TRPM8: variants seen among roughly 807,000 people sequenced by gnomAD.
TRPM8 encodes the protein transient receptor potential cation channel subfamily M member 8, also known as TRPM8 cationic channel.
A neutral mutation model predicts 133.7 loss-of-function variants in TRPM8; 110 were observed. The ratio of observed to expected loss-of-function variants is 0.82; its 90% CI spans 0.70 to 0.96. The LOEUF (loss-of-function observed/expected upper bound fraction) is 0.96. TRPM8 is among the 40% of genes least tolerant of loss of function. The probability of loss-of-function intolerance (pLI) is 0.00; values close to 1 mark genes in which losing one functional copy is unlikely to be tolerated. For missense variants in TRPM8, 1,291 were observed against 1,379.5 expected (o/e 0.94, Z 1.02); for synonymous variants, 535 against 532.3 (o/e 1.01, Z -0.07).
intron 15 of TRPM8, among the ~76,000 whole-genome samples, chr2:233,969,323 C>CA (rs112907432): frequency 0.088 from 11,877 of 134,958 alleles, 918 homozygotes; most frequent in African/African-American, 0.22. Context: ...ACCAAAAATA[C>CA]AAAAAAAAAA....
chr2:233,940,044 C>CT (rs1189944314), intron 5 of TRPM8, among the ~76,000 whole-genome samples: 3 of 138,808 alleles, frequency 2.2e-5, no homozygotes, highest in South Asian at 2.3e-4. Flanking sequence ...ATCGATTTAG[C>CT]TTTGTTTTTT....
intron 22 of TRPM8, among the ~76,000 whole-genome samples, chr2:234,002,825 C>CA (rs1315003506): frequency 2.6e-5 from 4 of 152,110 alleles, no homozygotes; most frequent in African/African-American, 9.7e-5. Flanking sequence ...CTACTGTTCA[C>CA]AGGTGTTGTG....
chr2:233,966,610 A>G lies in TRPM8; in HGVS notation c.1880A>G (p.Glu627Gly). 2 of 1,614,096 alleles carry G rather than the reference A, an allele frequency of 1.2e-6. No homozygotes were observed. Among genetic ancestry groups the G allele is most frequent in the Non-Finnish European group, 1.7e-6 (2 of 1,180,020 alleles). ...TCTCTCTGTGCTGATGTCGCTGTAG[A>G]GCTGTTCACTGAGTGTTACAGCAGC... is the stretch of plus-strand genomic sequence containing the variant. ...LANEYETRAV[E>G]LFTECYSSDE... The change falls in exon 15 of 26, where the codon GAG becomes GGG. Residue 627 changes from glutamate to glycine, a missense_variant and splice_region_variant. Around this residue, in one of 2 missense-constraint regions of TRPM8, gnomAD observed 963 missense variants for 968.9 expected, o/e 0.99. Transcript: ENST00000324695.
At chr2:234,011,914 C>CAAAA (rs869030520) in intron 24 of TRPM8, among the ~76,000 whole-genome samples, 13,759 of 80,908 alleles carry the variant, frequency 0.17, 1,403 homozygotes, top group Middle Eastern at 0.2. Context: ...GAGACTGTCT[C>CAAAA]AAAAAAAAAA....
intron 5 of TRPM8, among the ~76,000 whole-genome samples, chr2:233,940,152 C>T (rs1690869381): frequency 6.6e-6 from 1 of 151,034 alleles, no homozygotes; most frequent in South Asian, 2.1e-4. Flanking sequence ...GACTGTCTCT[C>T]ATTGTGGATT....
intron 24 of TRPM8, among the ~76,000 whole-genome samples, chr2:234,012,741 G>A (rs1273702755): frequency 6.6e-6 from 1 of 151,740 alleles, no homozygotes; most frequent in African/African-American, 2.4e-5. Context: ...TTAGTTGTGG[G>A]TTTTTTCATA....
intron 2 of TRPM8, among the ~76,000 whole-genome samples, chr2:233,927,747 T>C (rs1028906053): frequency 1.7e-4 from 11 of 64,426 alleles, no homozygotes; most frequent in African/African-American, 2.3e-4. Context: ...TCTTTCTTTC[T>C]TTCTTTCTTT....
Position 233,968,447 on chromosome 2 carries a change from G to A in TRPM8, c.2026-1248G>A, listed in dbSNP as rs28901872. On this transcript the variant is annotated intron_variant, in intron 15 of 25. Transcript: ENST00000324695. ...CAGCTTCAGTGTTGCCCGGCCCAGT[G>A]CAAAGCAGTCGGCCATTTACCCACC... Among the ~76,000 whole-genome samples, 641 of 152,276 alleles carry A rather than the reference G, an allele frequency of 4.2e-3. 7 individuals carry two copies. Among genetic ancestry groups the A allele is most frequent in the African/African-American group, 0.014 (582 of 41,552 alleles).
At chr2:233,936,751 C>T (rs868020616) in intron 3 of TRPM8, among the ~76,000 whole-genome samples, 1 of 152,228 alleles carries the variant, frequency 6.6e-6, no homozygotes, top group African/African-American at 2.4e-5. Flanking sequence ...GAAACTCAGT[C>T]TCATAACAGC....
At chr2:233,920,985 C>G (rs533189545) in intron 1 of TRPM8, among the ~76,000 whole-genome samples, 7 of 151,836 alleles carry the variant, frequency 4.6e-5, no homozygotes, top group African/African-American at 1.7e-4. Flanking sequence ...ACCTCCTGAG[C>G]AGCTGGGATT....
chr2:233,927,790 C>T (rs1306726784), intron 2 of TRPM8, among the ~76,000 whole-genome samples: 10 of 27,724 alleles, frequency 3.6e-4, no homozygotes, highest in South Asian at 1.6e-3. Flanking sequence ...TTCTTTCTTT[C>T]TTTTCTTTCC....
intron 11 of TRPM8, among the ~76,000 whole-genome samples, chr2:233,960,072 C>T (rs182580424): frequency 3.3e-5 from 5 of 152,022 alleles, no homozygotes; most frequent in African/African-American, 1.2e-4. Flanking sequence ...TTAAGATTAT[C>T]CGTAAGTTCC....
intron 3 of TRPM8, among the ~76,000 whole-genome samples, chr2:233,934,596 C>G (rs951791846): frequency 2.0e-5 from 3 of 152,208 alleles, no homozygotes; most frequent in Admixed American, 2.0e-4. Context: ...GCATCCCCAA[C>G]CCCCAGGAGA....
chr2:233,951,069 C>T (rs1374808708), intron 9 of TRPM8, among the ~76,000 whole-genome samples: 2 of 146,112 alleles, frequency 1.4e-5, no homozygotes, highest in Admixed American at 1.4e-4. Context: ...AACAAACAAA[C>T]AAAAATTACC....
intron 8 of TRPM8, among the ~76,000 whole-genome samples, chr2:233,948,315 A>AT (rs967997279): frequency 4.6e-5 from 7 of 152,054 alleles, no homozygotes; most frequent in African/African-American, 7.2e-5. Flanking sequence ...TAAAATAGAG[A>AT]TTTTTTTTCA....
In TRPM8 at chr2:234,003,474, C is replaced by T. The variant is rs146726762; in HGVS notation, c.3131-3379C>T. Among the ~76,000 whole-genome samples, 477 of 152,234 alleles carry T rather than the reference C, an allele frequency of 3.1e-3. 4 individuals carry two copies. Among genetic ancestry groups the T allele is most frequent in the Non-Finnish European group, 3.7e-3 (255 of 68,014 alleles). ...ATATCAGGGAGAGGATTTGGAAGTT[C>T]AGATCTGGAATTTGACTCAAACATG... On this transcript the variant is annotated intron_variant, in intron 22 of 25. Transcript: ENST00000324695.
At chr2:233,928,640 T>C (rs1286759917) in intron 2 of TRPM8, among the ~76,000 whole-genome samples, 1 of 152,206 alleles carries the variant, frequency 6.6e-6, no homozygotes, top group Non-Finnish European at 1.5e-5. Context: ...TTCAAAACTG[T>C]ACAGGTGAGC....
At chr2:233,954,128 C>A in intron 10 of TRPM8, 109 bp downstream of exon 10, 1 of 709,920 alleles carries the variant, frequency 1.4e-6, no homozygotes, top group Non-Finnish European at 2.2e-6. Context: ...CAAGCTTGTA[C>A]TTAATTTTGA....
chr2:234,011,661 G>A (rs1692839946), intron 24 of TRPM8, among the ~76,000 whole-genome samples: 1 of 152,070 alleles, frequency 6.6e-6, no homozygotes, highest in African/African-American at 2.4e-5. Context: ...GTTCATGCCT[G>A]TAATCCCAGC....
Sources: allele counts gnomAD v4.1 joint callset (sites outside exome capture counted in the v4.1 genomes callset), GRCh38; gene constraint gnomAD v4.1.1; regional missense constraint gnomAD v4.1.1; transcripts MANE v1.5; gene names NCBI Gene and HGNC (gene_info 2026-07-23, HGNC 2026-07-21).